Variants in AKAP9 observed in about 807,000 individuals in gnomAD.
AKAP9 encodes A-kinase anchor protein 9.
A neutral mutation model predicts 488.5 loss-of-function variants in AKAP9; 311 were observed. The observed-to-expected ratio is 0.64, with a 90% CI of 0.58 to 0.70. AKAP9 has a LOEUF of 0.70. Among genes scored for constraint, AKAP9 ranks in the 30% least tolerant of loss-of-function variants. The pLI is 0.00. For missense variants in AKAP9, 4,215 were observed against 4,374.5 expected (o/e 0.96, Z 1.03); for synonymous variants, 1,462 against 1,483.5 (o/e 0.99, Z 0.33).
intron 22 of AKAP9, among the ~76,000 whole-genome samples, chr7:92,059,416 A>G (rs1028275330): frequency 4.6e-5 from 7 of 151,486 alleles, no homozygotes; most frequent in East Asian, 3.9e-4. Context: ...TTTTTGCTAG[A>G]TTTACTGTAT....
chr7:91,963,482 T>TCTCACACACACACACACACA (rs375244495), intron 1 of AKAP9, among the ~76,000 whole-genome samples: 5 of 139,312 alleles, frequency 3.6e-5, no homozygotes, highest in African/African-American at 7.8e-5. Context: ...AACATATTTG[T>TCTCACACACACACACACACA]CACACACACA....
Position 91,992,951 on chromosome 7 carries a change from G to C in AKAP9, c.472G>C (p.Glu158Gln). 6.2e-7 allele frequency: 1 copy of C among 1,614,082 alleles called. No homozygotes were observed. Among genetic ancestry groups the C allele is most frequent in the Non-Finnish European group, 8.5e-7 (1 of 1,179,952 alleles). Reference sequence around the variant, plus strand: ...AGCACAAGACAGTCCGACTCATCTAGAGATGATGGAAAGTGAGTTGGCTGG... The same window carrying C: ...AGCACAAGACAGTCCGACTCATCTACAGATGATGGAAAGTGAGTTGGCTGG... ...QGAQDSPTHL[E>Q]MMESELAGKQ... Residue 158 changes from glutamate to glutamine, a missense_variant, in exon 5 of 50, where the codon GAG (glutamate) becomes CAG (glutamine). By Grantham distance (29) the Glu-to-Gln change is conservative. Transcript: ENST00000356239.
intron 17 of AKAP9, 23 bp from the exon 18 acceptor site, chr7:92,040,651 T>TG (rs1805938516): frequency 1.4e-6 from 2 of 1,456,812 alleles, no homozygotes; most frequent in African/African-American, 2.9e-5. Flanking sequence ...GAATTGTTTT[T>TG]TTTTTTTTTT....
At chr7:91,951,449 C>G (rs553642304) in intron 1 of AKAP9, among the ~76,000 whole-genome samples, 1 of 152,054 alleles carries the variant, frequency 6.6e-6, no homozygotes, top group African/African-American at 2.4e-5. Context: ...TTCAGGCTCC[C>G]GAGTAGCTGG....
chr7:91,992,213 T>C lies in AKAP9; in HGVS notation c.405+2T>C. ...GGAAAGCCTACAAATTTATTAAGGG[T>C]ACAGTATTTAAAACTACTTGTGATA... On this transcript the variant is annotated splice_donor_variant, in intron 4 of 49. Coordinates refer to ENST00000356239, the MANE Select transcript of AKAP9 (RefSeq NM_005751.5). LOFTEE classifies it high-confidence loss of function. 2 of 1,600,834 alleles carry C rather than the reference T, an allele frequency of 1.2e-6. No individual in the cohort carries two copies. The highest frequency in any genetic ancestry group is 1.7e-6 in the Non-Finnish European group (2 of 1,168,024).
chr7:92,006,111 C>T (rs1043794974), intron 8 of AKAP9, among the ~76,000 whole-genome samples: 1 of 152,054 alleles, frequency 6.6e-6, no homozygotes, highest in Non-Finnish European at 1.5e-5. Context: ...ATTTGACCCT[C>T]AGATGGTCAA....
intron 1 of AKAP9, among the ~76,000 whole-genome samples, chr7:91,965,872 T>G (rs1794381840): frequency 6.6e-6 from 1 of 152,206 alleles, no homozygotes; most frequent in Non-Finnish European, 1.5e-5. Flanking sequence ...CATGTTTTAA[T>G]CAGATTATTT....
chr7:92,109,049 G>C, intron 49 of AKAP9: 2 of 174,444 alleles, frequency 1.1e-5, no homozygotes, highest in African/African-American at 3.2e-5. Flanking sequence ...CTGTCTCAAA[G>C]AAAAAAAAAA....
In AKAP9 at chr7:92,097,003, G is replaced by C. The variant is rs1355387194; in HGVS notation, c.10044G>C (p.Leu3348=). Residue 3348 remains leucine, a synonymous_variant, in exon 41 of 50, where the codon CTG becomes CTC. Transcript: ENST00000356239. The stretch of plus-strand genomic sequence containing the variant: ...CCTCAGAGGACCTACTGAAAGAGCT[G>C]CAGAAACAGCTAGAGGAAAAACACA... ...PLPSEDLLKE[L]QKQLEEKHSR... 1 of 1,614,168 alleles carries C rather than the reference G, an allele frequency of 6.2e-7. No homozygotes were observed. The highest frequency in any genetic ancestry group is 2.2e-5 in the East Asian group (1 of 44,880).
rs1347266755 is a variant in AKAP9 at position 92,098,079 on chromosome 7, A to G, written c.10608-30A>G. 7 of 1,422,400 alleles carry G rather than the reference A, an allele frequency of 4.9e-6. No homozygotes were observed. The Admixed American group carries it at 6.7e-5, about 14-fold the overall frequency. The allele number at this position is 1,422,400 out of a possible 1,614,324, so 88.1% of individuals were successfully genotyped here. On this transcript the variant is annotated intron_variant, in intron 42 of 49. Coordinates refer to ENST00000356239, the MANE Select transcript of AKAP9 (RefSeq NM_005751.5). ...AGTAAACACCCCCAATTGAGAAGGT[A>G]TGTTTTGACTTTTTGTCTTTTTCTT...
chr7:91,982,166 C>CGTAT (rs201231009), intron 3 of AKAP9, among the ~76,000 whole-genome samples: 14,052 of 150,310 alleles, frequency 0.093, 759 homozygotes, highest in Admixed American at 0.16. Flanking sequence ...ATTTTACGTA[C>CGTAT]GTATGTATGT....
chr7:92,068,754 C>T (rs1207830847), intron 26 of AKAP9, among the ~76,000 whole-genome samples: 1 of 151,672 alleles, frequency 6.6e-6, no homozygotes, highest in Admixed American at 6.6e-5. Flanking sequence ...AAACTGACTG[C>T]ACATATCAGT....
chr7:92,026,595 G>A (rs376832049), intron 14 of AKAP9, among the ~76,000 whole-genome samples: 46 of 152,290 alleles, frequency 3.0e-4, no homozygotes, highest in South Asian at 2.1e-3. Flanking sequence ...TCGGCCTCCC[G>A]AGGTGCTGGG....
chr7:92,005,706 C>T (rs1379315696), intron 8 of AKAP9, among the ~76,000 whole-genome samples: 1 of 152,150 alleles, frequency 6.6e-6, no homozygotes, highest in African/African-American at 2.4e-5. Flanking sequence ...CACTCTGTCA[C>T]CCGGGCTGGA....
In AKAP9 at chr7:92,082,654, G is replaced by A. The variant is rs754507617; in HGVS notation, c.8152G>A (p.Glu2718Lys). The A allele has an allele frequency of 4.3e-6, 7 of 1,613,876 alleles. No homozygotes were observed. Among genetic ancestry groups the A allele is most frequent in the South Asian group, 2.2e-5 (2 of 91,068 alleles). The stretch of plus-strand genomic sequence containing the variant: ...AGAAAAGGCTGAAAAACTTCAAGAA[G>A]AGCTTTTGGTAAGATAAGTAACATA... ...YKEKAEKLQEELLVKETNMTS... is the reference protein window; with the variant it reads ...YKEKAEKLQEKLLVKETNMTS... The change falls in exon 32 of 50, where the codon GAG becomes AAG. Residue 2718 changes from glutamate to lysine, a missense_variant. Coordinates refer to ENST00000356239, the MANE Select transcript of AKAP9 (RefSeq NM_005751.5).
intron 3 of AKAP9, 151 bp from the exon 4 acceptor site, chr7:91,992,007 A>G (rs1481380369): frequency 1.2e-5 from 8 of 668,334 alleles, no homozygotes; most frequent in African/African-American, 3.6e-5. Context: ...TCTCTTAGAT[A>G]TTTTAAATTA....
At chr7:92,019,668 A>G (rs1349377869) in intron 12 of AKAP9, among the ~76,000 whole-genome samples, 1 of 150,912 alleles carries the variant, frequency 6.6e-6, no homozygotes, top group South Asian at 2.1e-4. Context: ...ATACATATGC[A>G]TATATAAAAT....
intron 1 of AKAP9, among the ~76,000 whole-genome samples, chr7:91,965,793 C>T (rs1324300924): frequency 6.6e-6 from 1 of 152,150 alleles, no homozygotes; most frequent in East Asian, 1.9e-4. Flanking sequence ...TAACATTGAG[C>T]ATTGTTTCAG....
At chr7:91,955,727 G>A (rs140747908) in intron 1 of AKAP9, among the ~76,000 whole-genome samples, 3,630 of 152,208 alleles carry the variant, frequency 0.024, 161 homozygotes, top group African/African-American at 0.083. Flanking sequence ...TCTGCCTCCC[G>A]GGTTCAAGTG....
Sources: gnomAD v4.1 joint callset for allele counts (sites outside exome capture counted in the v4.1 genomes callset) on GRCh38, gnomAD v4.1.1 for gene constraint, MANE v1.5 for transcripts, NCBI Gene and HGNC (gene_info 2026-07-23, HGNC 2026-07-21) for gene names.